Variants in GABARAPL2 observed in about 807,000 individuals in gnomAD.
GABARAPL2 encodes GABA type A receptor associated protein like 2.
A neutral mutation model predicts 16.9 loss-of-function variants in GABARAPL2; 11 were observed. The observed-to-expected ratio is 0.65, with a 90% CI of 0.41 to 1.08. The LOEUF (loss-of-function observed/expected upper bound fraction) is 1.08, where lower values mean the gene tolerates loss of function less well. GABARAPL2 is among the 50% of genes least tolerant of loss of function. The pLI is 0.00. For missense variants in GABARAPL2, 134 were observed against 142.5 expected (o/e 0.94, Z 0.30); for synonymous variants, 57 against 50.7 (o/e 1.12, Z -0.53).
chr16:75,567,846 T>G (rs2080893168), intron 2 of GABARAPL2, among the ~76,000 whole-genome samples, 191 bp from the exon 3 acceptor site: 1 of 152,216 alleles, frequency 6.6e-6, no homozygotes, highest in African/African-American at 2.4e-5. Flanking sequence ...ACTTACTGTT[T>G]CCCTGTAACA....
At chr16:75,576,153 C>CT (rs1348915684) in intron 3 of GABARAPL2, 1 of 152,204 alleles carries the variant, frequency 6.6e-6, no homozygotes, top group African/African-American at 2.4e-5. Flanking sequence ...ATGACAGGTT[C>CT]TTTCATATTC....
chr16:75,566,542 C>G (rs368994540), intron 1 of GABARAPL2, 22 bp downstream of exon 1: 113 of 1,606,820 alleles, frequency 7.0e-5, no homozygotes, highest in Non-Finnish European at 9.1e-5. Context: ...GTCGTCGGCC[C>G]GGCTGCTGGG....
rs140095895 is a variant in GABARAPL2, at chr16:75,574,805, A to ACC, written c.264-2473_264-2472dup. Among the ~76,000 whole-genome samples the ACC allele has an allele frequency of 9.5e-4, 139 of 146,710 alleles. 2 individuals are homozygous for ACC. The highest frequency in any genetic ancestry group is 3.4e-3 in the Middle Eastern group (1 of 292). The stretch of plus-strand genomic sequence containing the variant: ...CTGATGAGGCCGGACACGGTGGCTC[A>ACC]CCTGAGGTCAGGAGTTCAAGACCAG... On this transcript the variant is annotated intron_variant, in intron 3 of 3. Transcript: ENST00000037243.
At chr16:75,572,980 C>G (rs6564268) in intron 3 of GABARAPL2, among the ~76,000 whole-genome samples, 18,356 of 152,234 alleles carry the variant, frequency 0.12, 2,725 homozygotes, top group East Asian at 0.73. Flanking sequence ...GTGCTACTTG[C>G]GAGTTGTCAG....
At chr16:75,574,478 AG>A (rs2080935503) in intron 3 of GABARAPL2, among the ~76,000 whole-genome samples, 1 of 152,108 alleles carries the variant, frequency 6.6e-6, no homozygotes, top group African/African-American at 2.4e-5. Flanking sequence ...AATGGGGTAA[AG>A]AGTTGTGGCA....
chr16:75,570,135 G>C (rs1209262726), intron 3 of GABARAPL2, among the ~76,000 whole-genome samples: 1 of 151,824 alleles, frequency 6.6e-6, no homozygotes, highest in Non-Finnish European at 1.5e-5. Context: ...TCACTCTGTT[G>C]CCCAGATTGC....
intron 3 of GABARAPL2, among the ~76,000 whole-genome samples, chr16:75,571,427 G>A (rs978372921): frequency 6.6e-6 from 1 of 152,206 alleles, no homozygotes; most frequent in Non-Finnish European, 1.5e-5. Context: ...GGGCAACAGA[G>A]ACTGCTTCAA....
intron 3 of GABARAPL2, chr16:75,577,064 A>G: frequency 2.1e-6 from 1 of 472,014 alleles, no homozygotes. Flanking sequence ...GCTTTAAAGG[A>G]TTTACTTGGG....
At chr16:75,572,756 G>T (rs1227639254) in intron 3 of GABARAPL2, 1 of 152,244 alleles carries the variant, frequency 6.6e-6, no homozygotes, top group Non-Finnish European at 1.5e-5. Context: ...TCCATGGCTT[G>T]AATCTACCAC....
intron 3 of GABARAPL2, among the ~76,000 whole-genome samples, chr16:75,575,395 A>G (rs1250610948): frequency 6.6e-6 from 1 of 152,140 alleles, no homozygotes; most frequent in Non-Finnish European, 1.5e-5. Context: ...TCCCAGGTTA[A>G]AGCGATTCTC....
At chr16:75,577,064 A>T in intron 3 of GABARAPL2, 1 of 472,014 alleles carries the variant, frequency 2.1e-6, no homozygotes, top group Non-Finnish European at 3.8e-6. Context: ...GCTTTAAAGG[A>T]TTTACTTGGG....
Position 75,566,886 on chromosome 16 carries a change from G to A in GABARAPL2, c.69G>A (p.Ala23=). The A allele has an allele frequency of 6.2e-7, 1 of 1,613,568 alleles. No individual in the cohort carries two copies. The highest frequency in any genetic ancestry group is 8.5e-7 in the Non-Finnish European group (1 of 1,179,830). ...HRCVESAKIR[A]KYPDRVPVIV... is the part of the protein sequence containing the mutation. ...GCGTGGAGTCCGCGAAGATTCGAGC[G>A]AAATATCCCGACAGGGTTCCGGTGA... Residue 23 remains alanine (A), a synonymous_variant, in exon 2 of 4, where the codon GCG becomes GCA. Transcript: ENST00000037243.
chr16:75,577,537 A>C lies in GABARAPL2; in HGVS notation c.*168A>C, dbSNP rs2080957306. 5.4e-6 allele frequency: 3 copies of C among 553,382 alleles called. No homozygotes were observed. The highest frequency in any genetic ancestry group is 9.7e-6 in the Non-Finnish European group (3 of 309,724). The allele number at this position is 553,382 out of a possible 1,614,324, so 34.3% of individuals were successfully genotyped here. A position where few individuals can be genotyped will look rare whatever the true frequency, so the allele number is the denominator to read the frequency against. On this transcript the variant is annotated 3_prime_UTR_variant, in exon 4 of 4. Transcript: ENST00000037243. ...TTTTGTTTCCTTAGACTAGTAAATT[A>C]TCATACAGAGTTTTATTTTGAGTTT...
At chr16:75,575,131 T>G (rs1006479376) in intron 3 of GABARAPL2, among the ~76,000 whole-genome samples, 1 of 152,172 alleles carries the variant, frequency 6.6e-6, no homozygotes, top group Non-Finnish European at 1.5e-5. Context: ...GATTCTGATG[T>G]GCAGCCAAGG....
intron 3 of GABARAPL2, among the ~76,000 whole-genome samples, chr16:75,569,096 A>T (rs768281165): frequency 1.3e-5 from 2 of 152,216 alleles, no homozygotes; most frequent in Non-Finnish European, 2.9e-5. Context: ...AAGCCCTGGG[A>T]ACTAGCCCAA....
intron 3 of GABARAPL2, among the ~76,000 whole-genome samples, chr16:75,574,294 A>C (rs940677186): frequency 6.6e-6 from 1 of 152,216 alleles, no homozygotes; most frequent in East Asian, 1.9e-4. Flanking sequence ...TAGGGCTTCT[A>C]ACTTGCTAGG....
intron 3 of GABARAPL2, among the ~76,000 whole-genome samples, chr16:75,569,942 T>A (rs531099470): frequency 1.3e-5 from 2 of 152,328 alleles, no homozygotes; most frequent in South Asian, 4.1e-4. Flanking sequence ...AGTCAGGATT[T>A]TAGGGCCGAG....
At chr16:75,566,733 C>G in intron 1 of GABARAPL2, 119 bp from the exon 2 acceptor site, 1 of 1,083,846 alleles carries the variant, frequency 9.2e-7, no homozygotes, top group African/African-American at 1.6e-5. Context: ...GGACCGCGGC[C>G]CCGGGGACGC....
intron 3 of GABARAPL2, among the ~76,000 whole-genome samples, chr16:75,571,335 T>C (rs1405936842): frequency 1.3e-5 from 2 of 152,190 alleles, no homozygotes; most frequent in African/African-American, 2.4e-5. Flanking sequence ...TTTAAGAATA[T>C]GGTGTTTATT....
Sources: allele counts gnomAD v4.1 joint callset (sites outside exome capture counted in the v4.1 genomes callset), GRCh38; gene constraint gnomAD v4.1.1; transcripts MANE v1.5; gene names NCBI Gene and HGNC (gene_info 2026-07-23, HGNC 2026-07-21).